Variants in SHANK2 observed in about 807,000 individuals in gnomAD.
The protein encoded by SHANK2 is SH3 and multiple ankyrin repeat domains 2.
In SHANK2, 43 loss-of-function variants were observed where a neutral mutation model predicts 133.7. That is an observed-to-expected ratio of 0.32 (90% CI 0.25 to 0.41). SHANK2 has a LOEUF of 0.41. SHANK2 is among the 10% of genes least tolerant of loss of function. SHANK2 has a pLI of 1.00. For missense variants in SHANK2, 1,994 were observed against 2,235.8 expected (o/e 0.89, Z 2.18); for synonymous variants, 1,017 against 952.8 (o/e 1.07, Z -1.24).
chr11:70,601,808 G>A (rs1041797972), intron 17 of SHANK2, among the ~76,000 whole-genome samples: 12 of 152,196 alleles, frequency 7.9e-5, no homozygotes, highest in African/African-American at 2.4e-4. Flanking sequence ...ATCAGGAAAC[G>A]CACATTCAAA....
intron 17 of SHANK2, among the ~76,000 whole-genome samples, chr11:70,617,930 G>T (rs12798644): frequency 0.24 from 35,851 of 151,866 alleles, 5,146 homozygotes; most frequent in Non-Finnish European, 0.33. Context: ...ATGGCACATG[G>T]ATACATATGT....
At chr11:70,661,869 T>C (rs1338126057) in intron 15 of SHANK2, 191 bp from the exon 16 acceptor site, 2 of 1,516,002 alleles carry the variant, frequency 1.3e-6, no homozygotes, top group Non-Finnish European at 1.8e-6. Context: ...GCTACCGGGA[T>C]AGGCGAGCGT....
chr11:70,688,805 G>A (rs1182483018), intron 15 of SHANK2, among the ~76,000 whole-genome samples: 1 of 152,028 alleles, frequency 6.6e-6, no homozygotes, highest in African/African-American at 2.4e-5. Context: ...TTCATGACTC[G>A]GCAGGGACAC....
intron 8 of SHANK2, among the ~76,000 whole-genome samples, chr11:71,080,921 C>A (rs1173028472): frequency 6.6e-6 from 1 of 152,226 alleles, no homozygotes; most frequent in Non-Finnish European, 1.5e-5. Flanking sequence ...GGCTGTGATG[C>A]AAACCAGAAA....
rs949341843 is a variant in SHANK2, at chr11:70,830,617, G to A, written c.1175-9935C>T. Among the ~76,000 whole-genome samples the A allele has an allele frequency of 4.6e-5, 7 of 152,238 alleles. No individual in the cohort carries two copies. The highest frequency in any genetic ancestry group is 7.3e-5 in the Non-Finnish European group (5 of 68,048). On this transcript the variant is annotated intron_variant, in intron 11 of 25. Transcript: ENST00000601538. The surrounding 1 kb of genome is among the most constrained non-coding windows in gnomAD (Gnocchi z 4.4). ...TAAAACAAGTATTCCGAGGATGACC[G>A]AGCGCTAGTGGTTGAGATGAAAATT... is the stretch of plus-strand genomic sequence containing the variant.
chr11:70,713,839 A>C (rs61886445), intron 14 of SHANK2, among the ~76,000 whole-genome samples: 12,506 of 152,296 alleles, frequency 0.082, 625 homozygotes, highest in African/African-American at 0.12. Flanking sequence ...CAGCAACACT[A>C]CAAGAAAAGT....
In SHANK2 at chr11:71,103,996, A is replaced by G. The variant is rs1432806383; in HGVS notation, c.592+5945T>C. On this transcript the variant is annotated intron_variant, in intron 6 of 25. Coordinates refer to ENST00000601538, the MANE Select transcript of SHANK2 (RefSeq NM_012309.5). ...CTCCCTTTGCCTTCCGCCATGCGTAAAAGCTCCCTGAGGCCTCCCCAGAAG... is the reference window on the plus strand; with the variant it reads ...CTCCCTTTGCCTTCCGCCATGCGTAGAAGCTCCCTGAGGCCTCCCCAGAAG... Among the ~76,000 whole-genome samples the G allele has an allele frequency of 2.2e-4, 34 of 151,568 alleles. 1 individual carries two copies. The highest frequency in any genetic ancestry group is 2.2e-3 in the Admixed American group (34 of 15,198).
chr11:70,769,571 G>GA (rs1947201871), intron 14 of SHANK2, among the ~76,000 whole-genome samples: 1 of 152,006 alleles, frequency 6.6e-6, no homozygotes, highest in African/African-American at 2.4e-5. Flanking sequence ...GGGCAGGGGG[G>GA]CTCTCTGAGC....
At position 71,061,325 on chromosome 11, in the gene SHANK2, C is replaced by T. The variant is rs1950983579; in HGVS notation, c.1030-4767G>A. Among the ~76,000 whole-genome samples the T allele has an allele frequency of 1.3e-5, 2 of 152,256 alleles. 1 individual carries two copies. The highest frequency in any genetic ancestry group is 4.1e-4 in the South Asian group (2 of 4,834). ...GGTACCCAGCCCAATTTTAATAAAGCAGTCCTGCACCTCCCTAACGTGGTC... is the reference window on the plus strand; with the variant it reads ...GGTACCCAGCCCAATTTTAATAAAGTAGTCCTGCACCTCCCTAACGTGGTC... On this transcript the variant is annotated intron_variant, in intron 9 of 25. Transcript: ENST00000601538.
At chr11:70,674,904 T>C (rs782372201) in intron 15 of SHANK2, among the ~76,000 whole-genome samples, 2 of 152,242 alleles carry the variant, frequency 1.3e-5, no homozygotes, top group Non-Finnish European at 2.9e-5. Flanking sequence ...GCTCTAAATA[T>C]TCTAACGACA....
chr11:70,685,649 G>T lies in SHANK2; in HGVS notation c.1853+13039C>A, dbSNP rs146600420. ...TGTAATCCTAAGCATGGGGACAGGT[G>T]CCCAGTGCTTCATTCTGTCCTGGAG... is the stretch of plus-strand genomic sequence containing the variant. On this transcript the variant is annotated intron_variant, in intron 15 of 25. Transcript: ENST00000601538. Among the ~76,000 whole-genome samples, 4 of 152,286 alleles carry T rather than the reference G, an allele frequency of 2.6e-5. No homozygotes were observed. The East Asian group carries it at 7.7e-4, about 29-fold the overall frequency.
intron 6 of SHANK2, among the ~76,000 whole-genome samples, chr11:71,098,220 T>A (rs958696738): frequency 7.9e-5 from 12 of 151,646 alleles, no homozygotes; most frequent in African/African-American, 2.4e-4. Flanking sequence ...TGTGCATGCC[T>A]GTGTGTCTAC....
chr11:71,063,446 ATG>A (rs1951011915), intron 9 of SHANK2, among the ~76,000 whole-genome samples: 2 of 152,230 alleles, frequency 1.3e-5, no homozygotes, highest in South Asian at 4.1e-4. Flanking sequence ...GTGTGTGAAC[ATG>A]TGTGTTTGCA....
At chr11:70,933,989 T>A (rs2135812713) in intron 10 of SHANK2, among the ~76,000 whole-genome samples, 1 of 151,530 alleles carries the variant, frequency 6.6e-6, no homozygotes, top group Non-Finnish European at 1.5e-5. Context: ...CCCAGTGCTT[T>A]GGGAGGTCAA....
chr11:70,893,441 C>T lies in SHANK2; in HGVS notation c.1174+3060G>A, dbSNP rs574135707. Among the ~76,000 whole-genome samples the T allele has an allele frequency of 9.8e-5, 15 of 152,316 alleles. No homozygotes were observed. In the South Asian group the frequency reaches 2.9e-3, roughly 30 times the overall value. ...CAACCTACAGGTTTAGTTAAGAAGG[C>T]ATTAGTTCAGGATTTCACAACAGAT... On this transcript the variant is annotated intron_variant, in intron 11 of 25. Coordinates refer to ENST00000601538, the MANE Select transcript of SHANK2 (RefSeq NM_012309.5).
chr11:71,172,597 C>CAAA lies in SHANK2; in HGVS notation c.-12-25262_-12-25260dup, dbSNP rs10623588. Among the ~76,000 whole-genome samples the CAAA allele has an allele frequency of 1.6e-3, 175 of 107,090 alleles. 1 individual carries two copies. Among genetic ancestry groups the CAAA allele is most frequent in the East Asian group, 4.2e-3 (15 of 3,608 alleles). The allele number at this position is 107,090 out of a possible 152,430, so 70.3% of individuals were successfully genotyped here. The stretch of plus-strand genomic sequence containing the variant: ...TGGGTGACAGAGTGAGACTCTGTCT[C>CAAA]AAAAAAAAAAAAAAAGAAAAAAAGA... On this transcript the variant is annotated intron_variant, in intron 2 of 25. Coordinates refer to ENST00000601538, the MANE Select transcript of SHANK2 (RefSeq NM_012309.5).
At chr11:70,597,497 A>ATAGAGAGGG (rs2060417516) in intron 17 of SHANK2, among the ~76,000 whole-genome samples, 2 of 152,026 alleles carry the variant, frequency 1.3e-5, no homozygotes, top group Admixed American at 6.6e-5. Context: ...GGTAGAGAGG[A>ATAGAGAGGG]TAGAGAGGGT....
intron 15 of SHANK2, among the ~76,000 whole-genome samples, chr11:70,672,612 T>G (rs1361784190): frequency 2.6e-5 from 4 of 152,270 alleles, no homozygotes; most frequent in African/African-American, 9.6e-5. Context: ...CCTCCAGAGA[T>G]GGGCCTTGCC....
At chr11:71,155,690 C>T (rs1299907495) in intron 2 of SHANK2, among the ~76,000 whole-genome samples, 2 of 151,000 alleles carry the variant, frequency 1.3e-5, no homozygotes, top group African/African-American at 2.4e-5. Flanking sequence ...CTCAAAGCTC[C>T]CCAGAGAGGT....
Sources: allele counts gnomAD v4.1 joint callset (sites outside exome capture counted in the v4.1 genomes callset), GRCh38; gene constraint gnomAD v4.1.1; non-coding constraint Gnocchi (gnomAD v3.1); transcripts MANE v1.5; gene names NCBI Gene and HGNC (gene_info 2026-07-23, HGNC 2026-07-21).